The following TMEM248 variants were observed in gnomAD, a reference collection of about 807,000 sequenced individuals.
TMEM248 encodes the protein UPF0458 protein C7orf42.
In TMEM248, 9 loss-of-function variants were observed where a neutral mutation model predicts 30.3. The ratio of observed to expected loss-of-function variants is 0.30; its 90% CI spans 0.18 to 0.52. TMEM248 has a LOEUF of 0.52. Ranked by LOEUF, TMEM248 falls within the 20% of genes least tolerant of loss-of-function variation. TMEM248 has a pLI of 0.97. For synonymous variants in TMEM248, 184 were observed against 154.4 expected (o/e 1.19, Z -1.42); for missense variants, 338 against 403.3 (o/e 0.84, Z 1.39).
chr7:66,958,550 T>G lies in TMEM248; in HGVS notation c.*3028T>G, dbSNP rs1792455538. 6.5e-6 allele frequency: 1 copy of G among 152,672 alleles called. No individual in the cohort carries two copies. The highest frequency in any genetic ancestry group is 1.5e-5 in the Non-Finnish European group (1 of 68,050). 9.5% of individuals were successfully genotyped at this position (152,672 alleles called of 1,614,324 possible). A position where few individuals can be genotyped will look rare whatever the true frequency, so the allele number is the denominator to read the frequency against. ...CTTTACAGAATAAAACATCTGAATTTATTTGCTCCGCGTCTTCTTCCTCCA... is the reference window on the plus strand; with the variant it reads ...CTTTACAGAATAAAACATCTGAATTGATTTGCTCCGCGTCTTCTTCCTCCA... On this transcript the variant is annotated 3_prime_UTR_variant, in exon 7 of 7. Coordinates refer to ENST00000341567, the MANE Select transcript of TMEM248 (RefSeq NM_017994.5).
intron 3 of TMEM248, among the ~76,000 whole-genome samples, chr7:66,947,084 G>A (rs959436507): frequency 3.3e-5 from 5 of 151,570 alleles, no homozygotes; most frequent in African/African-American, 1.2e-4. Context: ...GTGTTGTGGC[G>A]TGCACCTGTA....
chr7:66,942,783 A>G (rs1429604597), intron 2 of TMEM248, among the ~76,000 whole-genome samples: 2 of 148,766 alleles, frequency 1.3e-5, no homozygotes, highest in Non-Finnish European at 3.0e-5. Flanking sequence ...GGTGTGAGCC[A>G]CCGCATCCAG....
chr7:66,942,551 A>G (rs1475786354), intron 2 of TMEM248, among the ~76,000 whole-genome samples: 3 of 152,278 alleles, frequency 2.0e-5, no homozygotes, highest in East Asian at 3.9e-4. Context: ...TCTGGAGTGC[A>G]GTGGCGTACT....
chr7:66,954,543 T>C (rs935986547), intron 6 of TMEM248, among the ~76,000 whole-genome samples: 2 of 151,930 alleles, frequency 1.3e-5, no homozygotes, highest in African/African-American at 4.8e-5. Context: ...ACCACAGGCA[T>C]GCATCACCAC....
At chr7:66,945,853 A>G (rs570979768) in intron 3 of TMEM248, among the ~76,000 whole-genome samples, 1 of 152,288 alleles carries the variant, frequency 6.6e-6, no homozygotes, top group African/African-American at 2.4e-5. Context: ...TGGGAGGCCA[A>G]GGTGGGCAGA....
chr7:66,954,897 C>T (rs1175534279), intron 6 of TMEM248, among the ~76,000 whole-genome samples: 1 of 152,190 alleles, frequency 6.6e-6, no homozygotes, highest in Non-Finnish European at 1.5e-5. Context: ...CACTGGAGCA[C>T]TACTGACTCT....
At chr7:66,940,195 C>T (rs185476995) in intron 1 of TMEM248, among the ~76,000 whole-genome samples, 46 of 152,172 alleles carry the variant, frequency 3.0e-4, no homozygotes, top group Non-Finnish European at 2.8e-4. Flanking sequence ...CTCAAGTGAT[C>T]CACCCGCCTC....
In TMEM248 at chr7:66,953,359, G is replaced by T; in HGVS notation, c.914G>T (p.Cys305Phe). The T allele has an allele frequency of 6.2e-7, 1 of 1,613,970 alleles. No individual in the cohort carries two copies. The highest frequency in any genetic ancestry group is 8.5e-7 in the Non-Finnish European group (1 of 1,179,912). ...SKLRQSNPEF[C>F]PEKVALAEA ...TTGCGTCAGAGCAATCCTGAATTTT[G>T]TCCCGAGAAGGTGAGCGGTGGATGG... The change falls in exon 6 of 7, where the codon TGT becomes TTT. Residue 305 changes from cysteine (C) to phenylalanine (F), a missense_variant. Physicochemically the swap from Cys to Phe is radical, Grantham distance 205. Transcript: ENST00000341567.
chr7:66,953,412 C>T (rs1341886291), intron 6 of TMEM248, 43 bp downstream of exon 6: 3 of 1,600,166 alleles, frequency 1.9e-6, no homozygotes, highest in South Asian at 2.2e-5. Flanking sequence ...TACTAGAGGT[C>T]TCTGTATACA....
intron 1 of TMEM248, among the ~76,000 whole-genome samples, chr7:66,928,555 A>G (rs993266058): frequency 1.3e-5 from 2 of 152,184 alleles, no homozygotes; most frequent in African/African-American, 4.8e-5. Context: ...AAGGATTAAA[A>G]AATATGTTAA....
rs376969562 is a variant in TMEM248, at chr7:66,950,215, C to CAA, written c.597-723_597-722dup. 1.9e-3 allele frequency among the ~76,000 whole-genome samples: 231 copies of CAA among 121,066 alleles called. 9 individuals are homozygous for CAA. In the East Asian group the frequency reaches 0.044, roughly 23 times the overall value. 79.4% of individuals were successfully genotyped at this position (121,066 alleles called of 152,430 possible). On this transcript the variant is annotated intron_variant, in intron 4 of 6. Transcript: ENST00000341567. ...TGGGCAACAGAGCAAGACTCCGTCTCAAAAAAAAAAAAAAAGATGATATAG... is the reference window on the plus strand; with the variant it reads ...TGGGCAACAGAGCAAGACTCCGTCTCAAAAAAAAAAAAAAAAAGATGATATAG...
chr7:66,928,777 T>G (rs1791588420), intron 1 of TMEM248, among the ~76,000 whole-genome samples: 1 of 121,580 alleles, frequency 8.2e-6, no homozygotes, highest in Non-Finnish European at 1.9e-5. Context: ...TTAAAAAAAT[T>G]TTTTTTTTCC....
At chr7:66,929,834 G>T (rs984649520) in intron 1 of TMEM248, among the ~76,000 whole-genome samples, 1 of 152,098 alleles carries the variant, frequency 6.6e-6, no homozygotes, top group Non-Finnish European at 1.5e-5. Context: ...ATAGGACTTG[G>T]TAACTGGTTG....
rs75690708 is a variant in TMEM248, at chr7:66,949,532, A to G, written c.596+838A>G. 8.4e-3 allele frequency among the ~76,000 whole-genome samples: 1,273 copies of G among 152,302 alleles called. 15 individuals are homozygous for G. The highest frequency in any genetic ancestry group is 0.028 in the African/African-American group (1,152 of 41,562). On this transcript the variant is annotated intron_variant, in intron 4 of 6. Coordinates refer to ENST00000341567, the MANE Select transcript of TMEM248 (RefSeq NM_017994.5). ...GTTCATCTCCATTATCCAGAAAGAT[A>G]TTTTAAAATCGTTGATTTTAGTTTA...
At chr7:66,930,961 CA>C in intron 1 of TMEM248, 1 of 152,630 alleles carries the variant, frequency 6.6e-6, no homozygotes, top group Middle Eastern at 3.2e-3. Context: ...CTCTCTTCCT[CA>C]ACTTTCAGAA....
At chr7:66,950,640 TAA>T (rs955674069) in intron 4 of TMEM248, among the ~76,000 whole-genome samples, 20 of 152,168 alleles carry the variant, frequency 1.3e-4, no homozygotes, top group African/African-American at 4.8e-4. Flanking sequence ...AAGATAGGCT[TAA>T]AAGGAGCTTA....
intron 4 of TMEM248, 117 bp from the exon 5 acceptor site, chr7:66,950,834 AT>A: frequency 1.4e-6 from 1 of 731,976 alleles, no homozygotes; most frequent in Non-Finnish European, 2.0e-6. Flanking sequence ...TGTAAGTTAC[AT>A]TTTTCCTTTC....
intron 1 of TMEM248, among the ~76,000 whole-genome samples, chr7:66,922,729 G>C (rs1791418397): frequency 6.6e-6 from 1 of 152,034 alleles, no homozygotes; most frequent in African/African-American, 2.4e-5. Flanking sequence ...TTTTGAGACA[G>C]AGTCTCACTC....
At chr7:66,955,316 G>A (rs144460728) in intron 6 of TMEM248, among the ~76,000 whole-genome samples, 186 bp from the exon 7 acceptor site, 3 of 152,340 alleles carry the variant, frequency 2.0e-5, no homozygotes, top group East Asian at 1.9e-4. Flanking sequence ...CAGATGGGCC[G>A]CGTCTTGCAG....
Sources: allele counts gnomAD v4.1 joint callset (sites outside exome capture counted in the v4.1 genomes callset), GRCh38; gene constraint gnomAD v4.1.1; transcripts MANE v1.5; gene names NCBI Gene and HGNC (gene_info 2026-07-23, HGNC 2026-07-21).